Variants in CHST9 observed in about 807,000 individuals in gnomAD.
CHST9 encodes the protein GalNAc-4-sulfotransferase 2.
A neutral mutation model predicts 44.4 loss-of-function variants in CHST9; 41 were observed. The ratio of observed to expected loss-of-function variants is 0.92; its 90% CI spans 0.72 to 1.20. The LOEUF (loss-of-function observed/expected upper bound fraction) is 1.20. Among genes scored for constraint, CHST9 ranks in the 50% most tolerant of loss-of-function variants. The pLI is 0.00. For synonymous variants in CHST9, 171 were observed against 178.4 expected, an observed-to-expected ratio of 0.96 and a Z score of 0.33; for missense variants, 504 against 516.5, an observed-to-expected ratio of 0.98 and a Z score of 0.23.
intron 2 of CHST9, among the ~76,000 whole-genome samples, chr18:27,075,822 GATTTAGGGAT>G (rs1455960835): frequency 6.6e-6 from 1 of 152,110 alleles, no homozygotes; most frequent in Non-Finnish European, 1.5e-5. Context: ...AAATCTGCCA[GATTTAGGGAT>G]ATTTTAATGG....
chr18:26,962,717 GGTAGA>G (rs1408501930), intron 4 of CHST9, among the ~76,000 whole-genome samples: 20 of 152,164 alleles, frequency 1.3e-4, no homozygotes, highest in Non-Finnish European at 5.9e-5. Context: ...GCTGGGAGCT[GGTAGA>G]GTAAAGGCTG....
intron 2 of CHST9, among the ~76,000 whole-genome samples, chr18:27,100,277 G>A (rs2058158538): frequency 6.6e-6 from 1 of 152,110 alleles, no homozygotes. Flanking sequence ...GGAGGATGGA[G>A]CCAATGGTTG....
chr18:27,099,555 A>G (rs965577184), intron 2 of CHST9, among the ~76,000 whole-genome samples: 2 of 152,316 alleles, frequency 1.3e-5, no homozygotes, highest in South Asian at 4.1e-4. Context: ...GTCAAAAGAC[A>G]TGAACAGACA....
rs1236110444 is a variant in CHST9, at chr18:27,065,648, G to A, written c.122-17145C>T. 3.4e-5 allele frequency among the ~76,000 whole-genome samples: 5 copies of A among 145,630 alleles called. No individual in the cohort carries two copies. In the East Asian group the frequency reaches 1.1e-3, roughly 31 times the overall value. Reference sequence around the variant, plus strand: ...ACCCTGAAAATAGTAAGGGAGAAACGATATAAAAAGAGAGGCCTCCTCTAG... The same window carrying A: ...ACCCTGAAAATAGTAAGGGAGAAACAATATAAAAAGAGAGGCCTCCTCTAG... On this transcript the variant is annotated intron_variant, in intron 2 of 5. Coordinates refer to ENST00000618847, the MANE Select transcript of CHST9 (RefSeq NM_031422.6).
At chr18:26,928,311 G>C (rs2055813093) in intron 5 of CHST9, 1 of 152,434 alleles carries the variant, frequency 6.6e-6, no homozygotes, top group African/African-American at 2.4e-5. Context: ...CAGGGGGCCA[G>C]AGACATGGGT....
chr18:27,176,455 A>G (rs1040389564), intron 1 of CHST9, among the ~76,000 whole-genome samples: 4 of 151,998 alleles, frequency 2.6e-5, no homozygotes, highest in Non-Finnish European at 5.9e-5. Context: ...TCAAAATCAA[A>G]GCCTTGGTAA....
At chr18:26,952,333 T>G (rs1229537629) in intron 4 of CHST9, 2 of 507,484 alleles carry the variant, frequency 3.9e-6, no homozygotes, top group South Asian at 1.4e-5. Context: ...CCACCAACTA[T>G]GTCCTCAGGC....
chr18:27,048,641 G>C, intron 2 of CHST9, 138 bp from the exon 3 acceptor site: 1 of 586,696 alleles, frequency 1.7e-6, no homozygotes, highest in Non-Finnish European at 3.0e-6. Context: ...AGAGATGACT[G>C]GGCTCAGCTG....
chr18:27,177,432 A>G (rs1260094656), intron 1 of CHST9, among the ~76,000 whole-genome samples: 2 of 151,844 alleles, frequency 1.3e-5, no homozygotes, highest in Admixed American at 1.3e-4. Context: ...CACCACTTTA[A>G]TTCCATCTGT....
intron 4 of CHST9, among the ~76,000 whole-genome samples, chr18:26,986,797 AAAC>A (rs1387708452): frequency 6.6e-6 from 1 of 152,226 alleles, no homozygotes; most frequent in Non-Finnish European, 1.5e-5. Context: ...TACTGAAAGA[AAAC>A]AACCTGTCAA....
rs527676231 is a variant in CHST9, at chr18:27,015,016, C to A, written c.202+9100G>T. ...CTACATTTTTAGTCTTTTGACTCCA[C>A]CTATGAAGTTAATGATTTACTTCAT... is the stretch of plus-strand genomic sequence containing the variant. On this transcript the variant is annotated intron_variant, in intron 4 of 5. Transcript: ENST00000618847. Among the ~76,000 whole-genome samples, 17 of 152,228 alleles carry A rather than the reference C, an allele frequency of 1.1e-4. No individual in the cohort carries two copies. The South Asian group carries it at 3.3e-3, about 30-fold the overall frequency.
At chr18:26,946,467 G>A (rs1052701398) in intron 4 of CHST9, among the ~76,000 whole-genome samples, 1 of 152,138 alleles carries the variant, frequency 6.6e-6, no homozygotes, top group Non-Finnish European at 1.5e-5. Flanking sequence ...CAGATAGGCA[G>A]GAAACCCTGC....
At chr18:27,032,370 CAA>C (rs1204052138) in intron 3 of CHST9, among the ~76,000 whole-genome samples, 1 of 152,138 alleles carries the variant, frequency 6.6e-6, no homozygotes, top group Non-Finnish European at 1.5e-5. Context: ...TCTACTCTGA[CAA>C]AAGTGCTGAC....
intron 2 of CHST9, among the ~76,000 whole-genome samples, chr18:27,090,846 T>C (rs1052480681): frequency 6.6e-6 from 1 of 152,226 alleles, no homozygotes; most frequent in Non-Finnish European, 1.5e-5. Flanking sequence ...TTGGTTACTG[T>C]AGTCTTGTAT....
intron 2 of CHST9, among the ~76,000 whole-genome samples, chr18:27,120,745 G>C (rs937761798): frequency 6.6e-6 from 1 of 152,148 alleles, no homozygotes; most frequent in East Asian, 1.9e-4. Context: ...CAGAGTTGTT[G>C]TCAGTATAAA....
intron 3 of CHST9, among the ~76,000 whole-genome samples, chr18:27,032,420 A>C (rs1161649489): frequency 6.6e-6 from 1 of 152,226 alleles, no homozygotes; most frequent in African/African-American, 2.4e-5. Context: ...TAATACTACT[A>C]ATAAAAATAC....
chr18:26,928,672 A>T (rs1305918599), intron 5 of CHST9, among the ~76,000 whole-genome samples: 2 of 152,192 alleles, frequency 1.3e-5, no homozygotes, highest in African/African-American at 4.8e-5. Flanking sequence ...TGGGAATAGG[A>T]GCTGAATTCT....
chr18:27,053,914 C>A (rs1365548588), intron 2 of CHST9, among the ~76,000 whole-genome samples: 1 of 152,192 alleles, frequency 6.6e-6, no homozygotes, highest in Non-Finnish European at 1.5e-5. Context: ...CCCAAACTCT[C>A]CATGCCCTGC....
intron 5 of CHST9, among the ~76,000 whole-genome samples, chr18:26,943,536 G>A (rs163049): frequency 0.63 from 96,579 of 152,112 alleles, 30,955 homozygotes; most frequent in East Asian, 0.73. Flanking sequence ...GAAAAAAGAA[G>A]GAAGATATGG....
Sources: gnomAD v4.1 joint callset for allele counts (sites outside exome capture counted in the v4.1 genomes callset) on GRCh38, gnomAD v4.1.1 for gene constraint, MANE v1.5 for transcripts, NCBI Gene and HGNC (gene_info 2026-07-23, HGNC 2026-07-21) for gene names.